MFSD6: variants seen among roughly 807,000 people sequenced by gnomAD.
MFSD6 encodes major facilitator superfamily domain containing 6, also known as major facilitator superfamily domain-containing protein 6.
A neutral mutation model predicts 56.3 loss-of-function variants in MFSD6; 26 were observed. That is an observed-to-expected ratio of 0.46 (90% CI 0.34 to 0.64). The LOEUF (loss-of-function observed/expected upper bound fraction) is 0.64, where lower values mean the gene tolerates loss of function less well. Ranked by LOEUF, MFSD6 falls within the 30% of genes least tolerant of loss-of-function variation. The probability of loss-of-function intolerance (pLI) is 0.01; values close to 1 mark genes in which losing one functional copy is unlikely to be tolerated. For synonymous variants in MFSD6, 331 were observed against 366.9 expected, an observed-to-expected ratio of 0.90 and a Z score of 1.12; for missense variants, 750 against 986.2, an observed-to-expected ratio of 0.76 and a Z score of 3.21.
In MFSD6 at chr2:190,426,715, A is replaced by G. The variant is rs754656132; in HGVS notation, c.-53-9262A>G. On this transcript the variant is annotated intron_variant, in intron 2 of 7. Coordinates refer to ENST00000392328, the MANE Select transcript of MFSD6 (RefSeq NM_017694.4). This position sits in a 1 kb window ranked among gnomAD's most constrained non-coding sequence, Gnocchi z 4.7. ...AATGGTTGTCATTCCTGTCATCTCA[A>G]TGTTGGCATCCATTGATTGCCTTTC... 4.1e-4 allele frequency among the ~76,000 whole-genome samples: 62 copies of G among 152,048 alleles called. 1 individual carries two copies. Among genetic ancestry groups the G allele is most frequent in the African/African-American group, 1.3e-3 (56 of 41,482 alleles).
At chr2:190,435,228 TTCTCATCTG>T (rs1686135472) in intron 2 of MFSD6, 1 of 152,246 alleles carries the variant, frequency 6.6e-6, no homozygotes, top group Non-Finnish European at 1.5e-5. Context: ...TGCCTCATTC[TTCTCATCTG>T]TAAAATGGAC....
chr2:190,433,913 G>A lies in MFSD6; in HGVS notation c.-53-2064G>A, dbSNP rs1686087667. Among the ~76,000 whole-genome samples, 1 of 152,172 alleles carries A rather than the reference G, an allele frequency of 6.6e-6. No homozygotes were observed. ...CTAGTAAAGAAAGTGAAAGGAGGCA[G>A]GGTGCAGTGGTTCACGCCTGTAATC... On this transcript the variant is annotated intron_variant, in intron 2 of 7. Coordinates refer to ENST00000392328, the MANE Select transcript of MFSD6 (RefSeq NM_017694.4). The surrounding 1 kb of genome is among the most constrained non-coding windows in gnomAD (Gnocchi z 4.5).
At chr2:190,452,740 C>T (rs1273321772) in intron 3 of MFSD6, among the ~76,000 whole-genome samples, 1 of 152,148 alleles carries the variant, frequency 6.6e-6, no homozygotes, top group Non-Finnish European at 1.5e-5. Flanking sequence ...GGTGAGATCT[C>T]CATCCCTGTA....
Position 190,494,529 on chromosome 2 carries a change from A to G in MFSD6, c.1892-2910A>G, listed in dbSNP as rs529419298. On this transcript the variant is annotated intron_variant, in intron 6 of 7. Transcript: ENST00000392328. This position sits in a 1 kb window ranked among gnomAD's most constrained non-coding sequence, Gnocchi z 5.7. ...CCAGTATCACCCTAATAACAAAACC[A>G]GGAAAGGACATAACAAAAAAAGAAA... 4.6e-5 allele frequency among the ~76,000 whole-genome samples: 7 copies of G among 152,250 alleles called. No homozygotes were observed. Among genetic ancestry groups the G allele is most frequent in the South Asian group, 2.1e-4 (1 of 4,824 alleles).
Position 190,413,421 on chromosome 2 carries a change from G to A in MFSD6, c.-175-1871G>A, listed in dbSNP as rs1458051291. 1.3e-5 allele frequency among the ~76,000 whole-genome samples: 2 copies of A among 152,186 alleles called. No individual in the cohort carries two copies. The highest frequency in any genetic ancestry group is 4.8e-5 in the African/African-American group (2 of 41,440). On this transcript the variant is annotated intron_variant, in intron 1 of 7. Transcript: ENST00000392328. This position sits in a 1 kb window ranked among gnomAD's most constrained non-coding sequence, Gnocchi z 4.1. Reference sequence around the variant, plus strand: ...TTCTTTGACATTTGTTGTGGGGCATGTTTTAGAATGGGAGACCAATTCAGG... The same window carrying A: ...TTCTTTGACATTTGTTGTGGGGCATATTTTAGAATGGGAGACCAATTCAGG...
In MFSD6 at chr2:190,437,787, C is replaced by G. The variant is rs1471469413; in HGVS notation, c.1532+226C>G. Among the ~76,000 whole-genome samples, 1 of 152,160 alleles carries G rather than the reference C, an allele frequency of 6.6e-6. No individual in the cohort carries two copies. The highest frequency in any genetic ancestry group is 1.5e-5 in the Non-Finnish European group (1 of 68,028). Reference sequence around the variant, plus strand: ...AATAAACAAAGAATGGCTTCCTCTGCTCTCCCACCCCACAGAAAAGACCTA... The same window carrying G: ...AATAAACAAAGAATGGCTTCCTCTGGTCTCCCACCCCACAGAAAAGACCTA... On this transcript the variant is annotated intron_variant, in intron 3 of 7. Coordinates refer to ENST00000392328, the MANE Select transcript of MFSD6 (RefSeq NM_017694.4). This position sits in a 1 kb window ranked among gnomAD's most constrained non-coding sequence, Gnocchi z 5.9.
chr2:190,459,252 A>G lies in MFSD6; in HGVS notation c.1533-10506A>G, dbSNP rs925625389. 1.3e-5 allele frequency among the ~76,000 whole-genome samples: 2 copies of G among 152,184 alleles called. No individual in the cohort carries two copies. Among genetic ancestry groups the G allele is most frequent in the Non-Finnish European group, 2.9e-5 (2 of 68,026 alleles). On this transcript the variant is annotated intron_variant, in intron 3 of 7. Transcript: ENST00000392328. This position sits in a 1 kb window ranked among gnomAD's most constrained non-coding sequence, Gnocchi z 5.3. The stretch of plus-strand genomic sequence containing the variant: ...TCTCACCACAGTCAGGAACAGCAGG[A>G]TTAGTATCTGCTTTTGATTTGGTCA...
At position 190,485,313 on chromosome 2, in the gene MFSD6, G is replaced by A. The variant is rs1422892807; in HGVS notation, c.1631-3344G>A. ...ATAAATATATTTTAATGTTTTGGTT[G>A]CTTGTAAATCCTGCAATTGATTGCT... On this transcript the variant is annotated intron_variant, in intron 4 of 7. Coordinates refer to ENST00000392328, the MANE Select transcript of MFSD6 (RefSeq NM_017694.4). The surrounding 1 kb of genome is among the most constrained non-coding windows in gnomAD (Gnocchi z 5.1). Among the ~76,000 whole-genome samples, 4 of 152,088 alleles carry A rather than the reference G, an allele frequency of 2.6e-5. No individual in the cohort carries two copies. The highest frequency in any genetic ancestry group is 5.9e-5 in the Non-Finnish European group (4 of 67,994).
At chr2:190,453,590 T>A (rs1294236149) in intron 3 of MFSD6, among the ~76,000 whole-genome samples, 2 of 152,212 alleles carry the variant, frequency 1.3e-5, no homozygotes, top group Non-Finnish European at 2.9e-5. Context: ...AAGAGACAAA[T>A]TCAGTGCTTC....
chr2:190,475,540 C>T (rs1688249418), intron 4 of MFSD6, among the ~76,000 whole-genome samples: 1 of 152,114 alleles, frequency 6.6e-6, no homozygotes, highest in African/African-American at 2.4e-5. Flanking sequence ...AACTACAAAC[C>T]ACTGCTCAAT....
At position 190,487,903 on chromosome 2, in the gene MFSD6, AT is replaced by A. The variant is rs142421692; in HGVS notation, c.1631-745del. Among the ~76,000 whole-genome samples, 21,987 of 151,554 alleles carry A rather than the reference AT, an allele frequency of 0.15. 1,798 individuals are homozygous for A. Among genetic ancestry groups the A allele is most frequent in the Middle Eastern group, 0.22 (64 of 294 alleles). Reference sequence around the variant, plus strand: ...CATTTCTAGTTACCTAGTCAAAATAATTTTTTTTTCTTTTTTGAGACAGAAT... The same window carrying A: ...CATTTCTAGTTACCTAGTCAAAATAATTTTTTTTCTTTTTTGAGACAGAAT... On this transcript the variant is annotated intron_variant, in intron 4 of 7. Coordinates refer to ENST00000392328, the MANE Select transcript of MFSD6 (RefSeq NM_017694.4). This position sits in a 1 kb window ranked among gnomAD's most constrained non-coding sequence, Gnocchi z 5.5.
intron 1 of MFSD6, chr2:190,411,483 G>C (rs1175015853): frequency 1.0e-6 from 1 of 985,268 alleles, no homozygotes; most frequent in Non-Finnish European, 1.2e-6. Context: ...CAGGAAGTGA[G>C]ACAAGATGGA....
In MFSD6 at chr2:190,468,309, C is replaced by A. The variant is rs74178575; in HGVS notation, c.1533-1449C>A. Among the ~76,000 whole-genome samples, 1,089 of 152,296 alleles carry A rather than the reference C, an allele frequency of 7.2e-3. 10 individuals carry two copies. The highest frequency in any genetic ancestry group is 0.011 in the Non-Finnish European group (761 of 68,028). On this transcript the variant is annotated intron_variant, in intron 3 of 7. Transcript: ENST00000392328. ...TCCCTCTAATATCTGTTGCCTATTT[C>A]ATCCACACCCTTCAACTTTTTCTTT... is the stretch of plus-strand genomic sequence containing the variant.
chr2:190,446,446 C>T (rs546066421), intron 3 of MFSD6, among the ~76,000 whole-genome samples: 2 of 152,248 alleles, frequency 1.3e-5, no homozygotes, highest in Admixed American at 1.3e-4. Flanking sequence ...GCTACAGCTC[C>T]CTAGCTTTTT....
intron 6 of MFSD6, among the ~76,000 whole-genome samples, chr2:190,493,345 A>G (rs1396638601): frequency 2.0e-5 from 3 of 152,194 alleles, no homozygotes; most frequent in African/African-American, 4.8e-5. Context: ...AATCTTCAAT[A>G]TACATACACC....
intron 2 of MFSD6, among the ~76,000 whole-genome samples, chr2:190,419,414 A>G (rs1428804170): frequency 2.6e-5 from 4 of 152,252 alleles, no homozygotes; most frequent in African/African-American, 9.6e-5. Context: ...CAAGGGTTTG[A>G]AAAGTTGATT....
intron 3 of MFSD6, among the ~76,000 whole-genome samples, chr2:190,455,280 TATTA>T (rs138347084): frequency 0.23 from 35,088 of 151,980 alleles, 4,908 homozygotes; most frequent in South Asian, 0.33. Context: ...TTCATAGCTC[TATTA>T]ATTAAATTTT....
At chr2:190,414,809 T>C (rs373587811) in intron 1 of MFSD6, among the ~76,000 whole-genome samples, 1 of 152,254 alleles carries the variant, frequency 6.6e-6, no homozygotes. Flanking sequence ...CTAATTTTAC[T>C]ACTCAGAGAT....
At chr2:190,455,008 T>C (rs1318983111) in intron 3 of MFSD6, among the ~76,000 whole-genome samples, 1 of 137,930 alleles carries the variant, frequency 7.3e-6, no homozygotes, top group Admixed American at 7.2e-5. Context: ...ATAATGTATA[T>C]GTATATGTAT....
Sources: gnomAD v4.1 joint callset for allele counts (sites outside exome capture counted in the v4.1 genomes callset) on GRCh38, gnomAD v4.1.1 for gene constraint, Gnocchi (gnomAD v3.1) non-coding constraint, MANE v1.5 for transcripts, NCBI Gene and HGNC (gene_info 2026-07-23, HGNC 2026-07-21) for gene names.